CHST12: variants seen among roughly 807,000 people sequenced by gnomAD.
CHST12 encodes carbohydrate (chondroitin 4) sulfotransferase 12.
Under a neutral mutation model 27.9 loss-of-function variants are expected in CHST12, and 23 were observed. The observed-to-expected ratio is 0.82, with a 90% CI of 0.59 to 1.17. The LOEUF is 1.17. CHST12 is among the 50% of genes most tolerant of loss of function. The pLI is 0.00. For missense variants in CHST12, 682 were observed against 603.0 expected, an observed-to-expected ratio of 1.13 and a Z score of -1.37; for synonymous variants, 322 against 273.0, an observed-to-expected ratio of 1.18 and a Z score of -1.77.
Position 2,442,382 on chromosome 7 carries a change from G to C in CHST12, c.*8498G>C, listed in dbSNP as rs892321047. 2.0e-5 allele frequency: 3 copies of C among 152,148 alleles called. No homozygotes were observed. The highest frequency in any genetic ancestry group is 7.2e-5 in the African/African-American group (3 of 41,408). 9.4% of individuals were successfully genotyped at this position (152,148 alleles called of 1,614,324 possible). A position where few individuals can be genotyped will look rare whatever the true frequency, so the allele number is the denominator to read the frequency against. On this transcript the variant is annotated 3_prime_UTR_variant, in exon 2 of 2. Coordinates refer to ENST00000618655, the MANE Select transcript of CHST12 (RefSeq NM_018641.5). ...GTTCAAGTCCCTGCTGTTTTCTTTT[G>C]AGACGGAGTCTCGCTCTGTCTCCCA...
intron 1 of CHST12, among the ~76,000 whole-genome samples, chr7:2,431,353 C>T (rs1260597402): frequency 6.6e-6 from 1 of 152,144 alleles, no homozygotes; most frequent in Non-Finnish European, 1.5e-5. Context: ...TTTTCCATTC[C>T]CGGGAGAGAG....
intron 1 of CHST12, among the ~76,000 whole-genome samples, chr7:2,420,853 T>C (rs1021206946): frequency 4.6e-5 from 7 of 152,186 alleles, no homozygotes; most frequent in Non-Finnish European, 1.0e-4. Flanking sequence ...TGCTGTATCA[T>C]ATGGCAATTT....
chr7:2,422,490 C>G (rs907175974), intron 1 of CHST12, among the ~76,000 whole-genome samples: 4 of 152,120 alleles, frequency 2.6e-5, no homozygotes, highest in African/African-American at 9.7e-5. Context: ...GGTGATCCAC[C>G]CGCCTCGGCC....
intron 1 of CHST12, among the ~76,000 whole-genome samples, chr7:2,430,294 TTTTATTTTTA>T (rs1782239892): frequency 6.6e-6 from 1 of 152,044 alleles, no homozygotes; most frequent in Non-Finnish European, 1.5e-5. Flanking sequence ...ATTTCAATTC[TTTTATTTTTA>T]TTTATTTATT....
rs1463418365 is a variant in CHST12, at chr7:2,435,152, G to A, written c.*1268G>A. 1 of 152,306 alleles carries A rather than the reference G, an allele frequency of 6.6e-6. No individual in the cohort carries two copies. Among genetic ancestry groups the A allele is most frequent in the Non-Finnish European group, 1.5e-5 (1 of 68,116 alleles). 9.4% of individuals were successfully genotyped at this position (152,306 alleles called of 1,614,324 possible). ...GATCGCTGGAGCCCAGGAGTTCAAG[G>A]CTGCAGTGACCTATGATCGTGCCAC... On this transcript the variant is annotated 3_prime_UTR_variant, in exon 2 of 2. Transcript: ENST00000618655.
chr7:2,434,390 G>C lies in CHST12; in HGVS notation c.*506G>C, dbSNP rs1357956212. On this transcript the variant is annotated 3_prime_UTR_variant, in exon 2 of 2. Coordinates refer to ENST00000618655, the MANE Select transcript of CHST12 (RefSeq NM_018641.5). The stretch of plus-strand genomic sequence containing the variant: ...AGTCAAGTCAGAGGTAAACCGGTCA[G>C]TTACAGAAGCAGGATTTCTAGGATT... The C allele has an allele frequency of 2.4e-5, 4 of 168,370 alleles. No homozygotes were observed. Among genetic ancestry groups the C allele is most frequent in the Non-Finnish European group, 5.8e-5 (4 of 69,130 alleles). The allele number at this position is 168,370 out of a possible 1,614,324, so 10.4% of individuals were successfully genotyped here.
At chr7:2,418,468 C>T (rs62444199) in intron 1 of CHST12, among the ~76,000 whole-genome samples, 34,019 of 152,190 alleles carry the variant, frequency 0.22, 4,250 homozygotes, top group African/African-American at 0.35. Context: ...GCGGGTTATA[C>T]GTCTGTTCAT....
intron 1 of CHST12, among the ~76,000 whole-genome samples, chr7:2,417,191 C>T (rs1013123659): frequency 4.6e-5 from 7 of 150,904 alleles, no homozygotes; most frequent in African/African-American, 1.7e-4. Flanking sequence ...AGCTCAAAGA[C>T]AGGCAGGCAG....
At chr7:2,430,063 G>A (rs1782235279) in intron 1 of CHST12, among the ~76,000 whole-genome samples, 1 of 152,142 alleles carries the variant, frequency 6.6e-6, no homozygotes, top group Non-Finnish European at 1.5e-5. Context: ...GATTATAGGA[G>A]AGAGCCACCG....
chr7:2,426,179 C>T (rs1042816225), intron 1 of CHST12, among the ~76,000 whole-genome samples: 2 of 152,130 alleles, frequency 1.3e-5, no homozygotes, highest in African/African-American at 4.8e-5. Context: ...AACCAACGTC[C>T]TTAGCAAGAA....
rs769354570 is a variant in CHST12 at position 2,433,920 on chromosome 7, C to T, written c.*36C>T. 6.5e-7 allele frequency: 1 copy of T among 1,529,456 alleles called. No homozygotes were observed. Among genetic ancestry groups the T allele is most frequent in the South Asian group, 1.3e-5 (1 of 79,806 alleles). 94.7% of individuals were successfully genotyped at this position (1,529,456 alleles called of 1,614,324 possible). On this transcript the variant is annotated 3_prime_UTR_variant, in exon 2 of 2. Coordinates refer to ENST00000618655, the MANE Select transcript of CHST12 (RefSeq NM_018641.5). This position sits in a 1 kb window ranked among gnomAD's most constrained non-coding sequence, Gnocchi z 6.1. ...GTTGCTTTTTCTCGCGTGCCTGGAACCTGACGCACGCGCACTCCAGTTTTT... is the reference window on the plus strand; with the variant it reads ...GTTGCTTTTTCTCGCGTGCCTGGAATCTGACGCACGCGCACTCCAGTTTTT...
At position 2,439,782 on chromosome 7, in the gene CHST12, G is replaced by A. The variant is rs575371795; in HGVS notation, c.*5898G>A. On this transcript the variant is annotated 3_prime_UTR_variant, in exon 2 of 2. Transcript: ENST00000618655. The stretch of plus-strand genomic sequence containing the variant: ...TAGTCCCAGCTACTCGGGAGGCTGA[G>A]GCAGGAGAATGGCGTGAACCCGGGA... 2.4e-3 allele frequency: 365 copies of A among 152,094 alleles called. 1 individual carries two copies. The highest frequency in any genetic ancestry group is 8.2e-3 in the African/African-American group (340 of 41,562). The allele number at this position is 152,094 out of a possible 1,614,324, so 9.4% of individuals were successfully genotyped here. A position where few individuals can be genotyped will look rare whatever the true frequency, so the allele number is the denominator to read the frequency against.
At chr7:2,414,117 T>C (rs899614707) in intron 1 of CHST12, among the ~76,000 whole-genome samples, 1 of 151,012 alleles carries the variant, frequency 6.6e-6, no homozygotes, top group African/African-American at 2.4e-5. Flanking sequence ...ATCTCTTCTT[T>C]TGTGAAACGT....
At position 2,446,389 on chromosome 7, in the gene CHST12, T is replaced by G. The variant is rs1460869802; in HGVS notation, c.*12505T>G. On this transcript the variant is annotated 3_prime_UTR_variant, in exon 2 of 2. Transcript: ENST00000618655. Reference sequence around the variant, plus strand: ...AAAACCCAGGCTCTGAGGAAAAACCTCTCCAGCCCAGCGCGTGGCCTGGCA... The same window carrying G: ...AAAACCCAGGCTCTGAGGAAAAACCGCTCCAGCCCAGCGCGTGGCCTGGCA... The G allele has an allele frequency of 6.6e-6, 1 of 152,502 alleles. No homozygotes were observed. Among genetic ancestry groups the G allele is most frequent in the Non-Finnish European group, 1.5e-5 (1 of 68,054 alleles). The allele number at this position is 152,502 out of a possible 1,614,324, so 9.4% of individuals were successfully genotyped here.
rs1421880747 is a variant in CHST12, at chr7:2,432,773, C to T, written c.134C>T (p.Thr45Met). 8 of 1,613,684 alleles carry T rather than the reference C, an allele frequency of 5.0e-6. No homozygotes were observed. The highest frequency in any genetic ancestry group is 1.6e-4 in the Middle Eastern group (1 of 6,062). ...CACACGTCCTTCTCTAGGCCGCACACGGGGCCGCCGCTGCCCACGCCCGGG... is the reference window on the plus strand; with the variant it reads ...CACACGTCCTTCTCTAGGCCGCACATGGGGCCGCCGCTGCCCACGCCCGGG... ...YLHTSFSRPH[T>M]GPPLPTPGPD... Residue 45 changes from threonine to methionine, a missense_variant, in exon 2 of 2, where the codon ACG becomes ATG. Physicochemically the swap from Thr to Met is moderately conservative, Grantham distance 81. Transcript: ENST00000618655.
chr7:2,427,620 G>C (rs1782160708), intron 1 of CHST12, among the ~76,000 whole-genome samples: 1 of 152,256 alleles, frequency 6.6e-6, no homozygotes, highest in South Asian at 2.1e-4. Context: ...GCTGTAGGGT[G>C]TTTGTAGATG....
intron 1 of CHST12, among the ~76,000 whole-genome samples, chr7:2,418,822 G>A (rs540111002): frequency 6.6e-6 from 1 of 152,026 alleles, no homozygotes; most frequent in African/African-American, 2.4e-5. Flanking sequence ...TTTGGGATGT[G>A]GTCTCACCCT....
rs1366647996 is a variant in CHST12 at position 2,436,848 on chromosome 7, C to T, written c.*2964C>T. 2 of 152,168 alleles carry T rather than the reference C, an allele frequency of 1.3e-5. No homozygotes were observed. The highest frequency in any genetic ancestry group is 2.9e-5 in the Non-Finnish European group (2 of 68,038). 9.4% of individuals were successfully genotyped at this position (152,168 alleles called of 1,614,324 possible). A position where few individuals can be genotyped will look rare whatever the true frequency, so the allele number is the denominator to read the frequency against. On this transcript the variant is annotated 3_prime_UTR_variant, in exon 2 of 2. Transcript: ENST00000618655. Reference sequence around the variant, plus strand: ...GTGGAGGGGTTCCTGCAGAAGACACCACCCACATCCACGCACCTGCTCAGA... The same window carrying T: ...GTGGAGGGGTTCCTGCAGAAGACACTACCCACATCCACGCACCTGCTCAGA...
chr7:2,442,112 G>A lies in CHST12; in HGVS notation c.*8228G>A, dbSNP rs940442766. 3 of 152,112 alleles carry A rather than the reference G, an allele frequency of 2.0e-5. No homozygotes were observed. The highest frequency in any genetic ancestry group is 2.9e-5 in the Non-Finnish European group (2 of 68,048). The allele number at this position is 152,112 out of a possible 1,614,324, so 9.4% of individuals were successfully genotyped here. On this transcript the variant is annotated 3_prime_UTR_variant, in exon 2 of 2. Transcript: ENST00000618655. The stretch of plus-strand genomic sequence containing the variant: ...TACTTCCTGTCTCTGAGTTTGACTA[G>A]GGACCTCCTGTAAGTGGATTTGTAC...
Sources: allele counts gnomAD v4.1 joint callset (sites outside exome capture counted in the v4.1 genomes callset), GRCh38; gene constraint gnomAD v4.1.1; non-coding constraint Gnocchi (gnomAD v3.1); transcripts MANE v1.5; gene names NCBI Gene and HGNC (gene_info 2026-07-23, HGNC 2026-07-21).